The following EXT2 variants were observed in gnomAD, a reference collection of about 807,000 sequenced individuals.
EXT2 encodes exostosin glycosyltransferase 2.
In EXT2, 53 loss-of-function variants were observed where a neutral mutation model predicts 81.6. The observed-to-expected ratio is 0.65, with a 90% CI of 0.52 to 0.82. EXT2 has a LOEUF of 0.82. Ranked by LOEUF, EXT2 falls within the 40% of genes least tolerant of loss-of-function variation. The pLI is 0.00. For missense variants in EXT2, 774 were observed against 910.2 expected (o/e 0.85, Z 1.93); for synonymous variants, 320 against 340.0 (o/e 0.94, Z 0.65).
chr11:44,238,085 A>G (rs1440828340), intron 13 of EXT2, among the ~76,000 whole-genome samples: 8 of 152,066 alleles, frequency 5.3e-5, no homozygotes, highest in South Asian at 2.1e-4. Flanking sequence ...GTGAAACTCC[A>G]TCTCAAAAGA....
chr11:44,160,331 C>T (rs139499677), intron 7 of EXT2, among the ~76,000 whole-genome samples: 457 of 152,298 alleles, frequency 3.0e-3, no homozygotes, highest in Middle Eastern at 6.8e-3. Flanking sequence ...TGTTCAGTTT[C>T]CAAGGCAGCT....
chr11:44,163,969 T>C (rs746220957), intron 7 of EXT2, among the ~76,000 whole-genome samples: 10 of 152,212 alleles, frequency 6.6e-5, no homozygotes, highest in Non-Finnish European at 1.5e-4. Flanking sequence ...TCTGAGACTA[T>C]AGTTACACTA....
chr11:44,147,600 A>T (rs887463809), intron 7 of EXT2, among the ~76,000 whole-genome samples: 15 of 152,028 alleles, frequency 9.9e-5, no homozygotes, highest in African/African-American at 3.1e-4. Flanking sequence ...CTGCTCTGTC[A>T]CCCAGGTTGG....
Position 44,211,633 on chromosome 11 carries a change from A to G in EXT2, c.1662+4674A>G, listed in dbSNP as rs571038703. 3.3e-5 allele frequency among the ~76,000 whole-genome samples: 5 copies of G among 152,342 alleles called. No homozygotes were observed. The East Asian group carries it at 9.6e-4, about 29-fold the overall frequency. ...CCAGAGGTTGGAGAGAAAGGCAGGTAAAGGGGAAATATTGGTCAAAAGGTA... is the reference window on the plus strand; with the variant it reads ...CCAGAGGTTGGAGAGAAAGGCAGGTGAAGGGGAAATATTGGTCAAAAGGTA... On this transcript the variant is annotated intron_variant, in intron 10 of 13. Transcript: ENST00000533608.
intron 10 of EXT2, among the ~76,000 whole-genome samples, chr11:44,213,127 T>C (rs1202721103): frequency 6.6e-6 from 1 of 152,054 alleles, no homozygotes; most frequent in Non-Finnish European, 1.5e-5. Flanking sequence ...TAAATGCTTA[T>C]ATTATAAAAA....
Position 44,191,152 on chromosome 11 carries a change from T to C in EXT2, c.1306-6677T>C, listed in dbSNP as rs76824477. Among the ~76,000 whole-genome samples the C allele has an allele frequency of 2.7e-4, 41 of 152,358 alleles. 1 individual carries two copies. The East Asian group carries it at 7.1e-3, about 27-fold the overall frequency. On this transcript the variant is annotated intron_variant, in intron 8 of 13. Transcript: ENST00000533608. The stretch of plus-strand genomic sequence containing the variant: ...CTTTTCTGCAGCTGGCATTGTGACC[T>C]GACAGTTCTCGTGGCTGTTAGGGAT...
Position 44,240,567 on chromosome 11 carries a change from C to T in EXT2, c.2019-3582C>T, listed in dbSNP as rs139157425. 1.1e-3 allele frequency among the ~76,000 whole-genome samples: 164 copies of T among 152,138 alleles called. 1 individual carries two copies. The highest frequency in any genetic ancestry group is 1.9e-3 in the Non-Finnish European group (128 of 68,000). ...CTGGGCAACATAGCAAAATCCCTAT[C>T]TGTAAAAAAATAATAATAATGTCAT... is the stretch of plus-strand genomic sequence containing the variant. On this transcript the variant is annotated intron_variant, in intron 13 of 13. Coordinates refer to ENST00000533608, the MANE Select transcript of EXT2 (RefSeq NM_207122.2).
intron 7 of EXT2, among the ~76,000 whole-genome samples, chr11:44,138,646 G>C (rs1183277844): frequency 6.6e-6 from 1 of 152,036 alleles, no homozygotes; most frequent in Non-Finnish European, 1.5e-5. Context: ...GTGAGTTGTT[G>C]CATAAAATGT....
At chr11:44,219,037 A>G (rs1010383293) in intron 10 of EXT2, among the ~76,000 whole-genome samples, 8 of 151,868 alleles carry the variant, frequency 5.3e-5, no homozygotes, top group Admixed American at 4.6e-4. Flanking sequence ...CTGACCTCAG[A>G]TGATCTGCCC....
At chr11:44,145,487 G>A (rs1954704312) in intron 7 of EXT2, among the ~76,000 whole-genome samples, 1 of 152,080 alleles carries the variant, frequency 6.6e-6, no homozygotes, top group Non-Finnish European at 1.5e-5. Context: ...TTGTTCTATG[G>A]TCATGGGTAT....
chr11:44,109,019 C>G (rs565803518), intron 2 of EXT2, among the ~76,000 whole-genome samples, 175 bp from the exon 3 acceptor site: 1 of 152,288 alleles, frequency 6.6e-6, no homozygotes, highest in East Asian at 1.9e-4. Flanking sequence ...TTTTCCCTGT[C>G]ATGGAGCCAG....
intron 10 of EXT2, among the ~76,000 whole-genome samples, chr11:44,226,658 C>T (rs747063906): frequency 6.6e-6 from 1 of 152,236 alleles, no homozygotes; most frequent in Non-Finnish European, 1.5e-5. Flanking sequence ...TCTGTGGAAA[C>T]CAGCTCGGAA....
rs577109820 is a variant in EXT2 at position 44,138,975 on chromosome 11, G to A, written c.1173+8837G>A. On this transcript the variant is annotated intron_variant, in intron 7 of 13. Transcript: ENST00000533608. ...AGGAGCCTCCAAGGAATGCAGAGTG[G>A]TCTTAAAGAACCACAGTAAGTTACA... 3.9e-5 allele frequency among the ~76,000 whole-genome samples: 6 copies of A among 152,290 alleles called. No homozygotes were observed. In the South Asian group the frequency reaches 1.2e-3, roughly 32 times the overall value.
chr11:44,118,622 A>G (rs1393480926), intron 4 of EXT2, among the ~76,000 whole-genome samples: 1 of 152,156 alleles, frequency 6.6e-6, no homozygotes, highest in East Asian at 1.9e-4. Context: ...CCCCATACTA[A>G]TTTTTTGGAT....
chr11:44,202,730 A>C (rs971009807), intron 9 of EXT2, among the ~76,000 whole-genome samples: 2 of 152,202 alleles, frequency 1.3e-5, no homozygotes, highest in Non-Finnish European at 1.5e-5. Flanking sequence ...TGCTAAATGC[A>C]TTCCCATTCA....
chr11:44,195,468 A>G (rs1332722295), intron 8 of EXT2, among the ~76,000 whole-genome samples: 3 of 152,008 alleles, frequency 2.0e-5, no homozygotes, highest in Non-Finnish European at 2.9e-5. Flanking sequence ...GGCGTTTCCT[A>G]TTGTGTCTCT....
chr11:44,209,544 A>G (rs1303245026), intron 10 of EXT2, among the ~76,000 whole-genome samples: 1 of 152,196 alleles, frequency 6.6e-6, no homozygotes, highest in Non-Finnish European at 1.5e-5. Flanking sequence ...CCTGCTTTTT[A>G]TCCCAAAGCC....
chr11:44,099,664 G>C (rs1481381481), intron 1 of EXT2, among the ~76,000 whole-genome samples: 2 of 152,152 alleles, frequency 1.3e-5, no homozygotes, highest in African/African-American at 4.8e-5. Context: ...TAGGAATACT[G>C]AGCAGAGATG....
intron 1 of EXT2, chr11:44,103,876 A>G (rs1954019449): frequency 5.7e-6 from 1 of 174,664 alleles, no homozygotes; most frequent in Non-Finnish European, 1.2e-5. Context: ...TCAGGTATTT[A>G]TTTGCACCTT....
Sources: gnomAD v4.1 joint callset for allele counts (sites outside exome capture counted in the v4.1 genomes callset) on GRCh38, gnomAD v4.1.1 for gene constraint, MANE v1.5 for transcripts, NCBI Gene and HGNC (gene_info 2026-07-23, HGNC 2026-07-21) for gene names.